OSBPL9: variants seen among roughly 807,000 people sequenced by gnomAD.
OSBPL9 encodes oxysterol binding protein like 9.
A neutral mutation model predicts 106.6 loss-of-function variants in OSBPL9; 40 were observed. The observed-to-expected ratio is 0.38, with a 90% CI of 0.29 to 0.49. The LOEUF (loss-of-function observed/expected upper bound fraction) is 0.49. OSBPL9 is among the 20% of genes least tolerant of loss of function. OSBPL9 has a pLI of 0.97. For missense variants in OSBPL9, 609 were observed against 887.2 expected, an observed-to-expected ratio of 0.69 and a Z score of 3.98; for synonymous variants, 269 against 295.4, an observed-to-expected ratio of 0.91 and a Z score of 0.92.
chr1:51,573,879 A>ACTCT (rs1645167964), upstream of OSBPL9: 1 of 148,786 alleles, frequency 6.7e-6, no homozygotes, highest in Non-Finnish European at 1.5e-5. Context: ...ACAGTTGTAT[A>ACTCT]AAAGTCAGAA....
the OSBPL9 span, among the ~76,000 whole-genome samples, chr1:51,571,761 C>T: frequency 6.6e-6 from 1 of 152,136 alleles, no homozygotes; most frequent in African/African-American, 2.4e-5. Context: ...CGGAGGAGGG[C>T]GTGTGCACAA....
At chr1:51,769,311 T>C (rs964274964) in intron 12 of OSBPL9, among the ~76,000 whole-genome samples, 1 of 152,212 alleles carries the variant, frequency 6.6e-6, no homozygotes, top group African/African-American at 2.4e-5. Context: ...ATACTAATGA[T>C]AGCTTCTGTG....
the OSBPL9 span, among the ~76,000 whole-genome samples, chr1:51,557,014 C>G: frequency 1.3e-5 from 2 of 151,752 alleles, no homozygotes; most frequent in East Asian, 3.9e-4. Context: ...GATGGATACC[C>G]CATTTACCCT....
intron 4 of OSBPL9, 63 bp from the exon 5 acceptor site, chr1:51,745,473 T>G (rs1004247909): frequency 3.2e-6 from 5 of 1,564,424 alleles, no homozygotes; most frequent in Non-Finnish European, 4.3e-6. Context: ...GGGAAAAGTA[T>G]TTTTTGTACT....
the OSBPL9 span, among the ~76,000 whole-genome samples, chr1:51,552,966 TA>T: frequency 3.9e-3 from 568 of 144,976 alleles, 5 homozygotes; most frequent in African/African-American, 0.013. Flanking sequence ...CAAAGTTCTT[TA>T]AAAAAAAAAA....
chr1:51,632,659 T>TG (rs1330536139), intron 1 of OSBPL9, among the ~76,000 whole-genome samples: 1 of 119,180 alleles, frequency 8.4e-6, no homozygotes, highest in Non-Finnish European at 1.9e-5. Context: ...AAGCCTGCGA[T>TG]GGGGGGAGAA....
rs768100504 is a variant in OSBPL9 at position 51,787,780 on chromosome 1, C to T, written c.2202C>T (p.Ala734=). ...DEPLLKRLGA[A]KH is the part of the protein sequence containing the mutation. ...CATTACTGAAACGTCTTGGTGCTGCCAAGCATTAGGTTGGAAGATGCAAAG... is the reference window on the plus strand; with the variant it reads ...CATTACTGAAACGTCTTGGTGCTGCTAAGCATTAGGTTGGAAGATGCAAAG... Residue 734 remains alanine, a synonymous_variant, in exon 24 of 24, where the codon GCC becomes GCT. Transcript: ENST00000428468. The T allele has an allele frequency of 8.7e-6, 14 of 1,612,314 alleles. No homozygotes were observed. Among genetic ancestry groups the T allele is most frequent in the Non-Finnish European group, 1.1e-5 (13 of 1,178,906 alleles).
the OSBPL9 span, among the ~76,000 whole-genome samples, chr1:51,558,124 C>G: frequency 6.6e-6 from 1 of 152,016 alleles, no homozygotes; most frequent in East Asian, 1.9e-4. Context: ...ACTAAAAATA[C>G]AAAAAATTAG....
At chr1:51,520,284 C>T in the OSBPL9 span, among the ~76,000 whole-genome samples, 1 of 152,178 alleles carries the variant, frequency 6.6e-6, no homozygotes, top group Non-Finnish European at 1.5e-5. Flanking sequence ...AAACATAACA[C>T]ATCCTACACC....
chr1:51,579,489 A>T (rs1193175765), intron 1 of OSBPL9, among the ~76,000 whole-genome samples: 1 of 152,160 alleles, frequency 6.6e-6, no homozygotes, highest in African/African-American at 2.4e-5. Flanking sequence ...TATTCCACAT[A>T]ATCAGATTGT....
chr1:51,556,624 A>C, the OSBPL9 span, among the ~76,000 whole-genome samples: 2 of 152,028 alleles, frequency 1.3e-5, no homozygotes, highest in African/African-American at 4.8e-5. Context: ...GTCTCTGCTA[A>C]AAATACAAAA....
At chr1:51,592,821 G>A (rs1427801618) in intron 1 of OSBPL9, among the ~76,000 whole-genome samples, 1 of 152,086 alleles carries the variant, frequency 6.6e-6, no homozygotes, top group African/African-American at 2.4e-5. Context: ...CTCCCCCATT[G>A]GACAAGTGGA....
the OSBPL9 span, among the ~76,000 whole-genome samples, chr1:51,568,779 G>GAGTGC: frequency 6.0e-3 from 911 of 152,298 alleles, 10 homozygotes; most frequent in African/African-American, 0.02. Flanking sequence ...AGCCAGGCTA[G>GAGTGC]AGTGCAGTGG....
At chr1:51,660,775 C>G (rs1169892380) in intron 2 of OSBPL9, among the ~76,000 whole-genome samples, 1 of 152,200 alleles carries the variant, frequency 6.6e-6, no homozygotes, top group African/African-American at 2.4e-5. Flanking sequence ...TGTCACTCCT[C>G]TCTAGACTGT....
chr1:51,650,019 G>A (rs1368644988), intron 1 of OSBPL9, among the ~76,000 whole-genome samples: 1 of 151,774 alleles, frequency 6.6e-6, no homozygotes, highest in Non-Finnish European at 1.5e-5. Context: ...GGGACTATAG[G>A]TGTGTACCAC....
intron 4 of OSBPL9, among the ~76,000 whole-genome samples, chr1:51,743,076 G>A (rs950673276): frequency 6.6e-6 from 1 of 152,070 alleles, no homozygotes; most frequent in African/African-American, 2.4e-5. Flanking sequence ...TCATGTTATC[G>A]ATGAATTTTA....
chr1:51,732,462 A>T (rs1437761732), intron 4 of OSBPL9, among the ~76,000 whole-genome samples: 1 of 152,260 alleles, frequency 6.6e-6, no homozygotes, highest in Non-Finnish European at 1.5e-5. Context: ...TTAAGCTTGA[A>T]AGAATAGTTC....
upstream of OSBPL9, among the ~76,000 whole-genome samples, chr1:51,615,312 A>G (rs1178484873): frequency 6.6e-6 from 1 of 152,202 alleles, no homozygotes; most frequent in South Asian, 2.1e-4. Flanking sequence ...ATTCATTTCT[A>G]TACCATCTAA....
intron 1 of OSBPL9, among the ~76,000 whole-genome samples, chr1:51,580,932 AT>A (rs1645217546): frequency 2.7e-3 from 1 of 370 alleles, no homozygotes; most frequent in African/African-American, 0.01. Context: ...ATATATATAT[AT>A]ATATATATAT....
Sources: gnomAD v4.1 joint callset for allele counts (sites outside exome capture counted in the v4.1 genomes callset) on GRCh38, gnomAD v4.1.1 for gene constraint, MANE v1.5 for transcripts, NCBI Gene and HGNC (gene_info 2026-07-23, HGNC 2026-07-21) for gene names.